Variants in MACROD2 observed in about 807,000 individuals in gnomAD.
The protein encoded by MACROD2 is ADP-ribose glycohydrolase MACROD2.
A neutral mutation model predicts 70.4 loss-of-function variants in MACROD2; 36 were observed. That is an observed-to-expected ratio of 0.51 (90% CI 0.39 to 0.68). The LOEUF (loss-of-function observed/expected upper bound fraction) is 0.68, where lower values mean the gene tolerates loss of function less well. Ranked by LOEUF, MACROD2 falls within the 30% of genes least tolerant of loss-of-function variation. The probability of loss-of-function intolerance (pLI) is 0.00; values close to 1 mark genes in which losing one functional copy is unlikely to be tolerated. For synonymous variants in MACROD2, 172 were observed against 178.8 expected (o/e 0.96, Z 0.30); for missense variants, 496 against 538.4 (o/e 0.92, Z 0.78).
chr20:15,245,446 C>G (rs183416618), intron 6 of MACROD2, among the ~76,000 whole-genome samples: 15 of 152,242 alleles, frequency 9.9e-5, no homozygotes, highest in Admixed American at 4.6e-4. Context: ...ACTGGCAATT[C>G]TATTGTTGTA....
chr20:15,458,089 T>A (rs1207541437), intron 7 of MACROD2, among the ~76,000 whole-genome samples: 3 of 152,208 alleles, frequency 2.0e-5, no homozygotes, highest in African/African-American at 7.2e-5. Context: ...ATTTTTCCAA[T>A]TATTTCCCCC....
chr20:14,793,328 G>A (rs149493395), intron 5 of MACROD2, among the ~76,000 whole-genome samples: 2 of 152,034 alleles, frequency 1.3e-5, no homozygotes, highest in Middle Eastern at 3.4e-3. Context: ...AATAAGACCC[G>A]GACTGTGTCC....
intron 8 of MACROD2, among the ~76,000 whole-genome samples, chr20:15,560,959 C>G (rs1264789035): frequency 6.6e-6 from 1 of 151,878 alleles, no homozygotes; most frequent in Non-Finnish European, 1.5e-5. Flanking sequence ...ATGTCTAGAT[C>G]TAAAAGGCCA....
chr20:14,808,737 A>C (rs1482254703), intron 5 of MACROD2, among the ~76,000 whole-genome samples: 2 of 151,582 alleles, frequency 1.3e-5, no homozygotes, highest in African/African-American at 4.9e-5. Context: ...GGGATGGAGC[A>C]AGATTTACCA....
chr20:15,543,889 T>C (rs1315365131), intron 8 of MACROD2, among the ~76,000 whole-genome samples: 2 of 152,234 alleles, frequency 1.3e-5, no homozygotes, highest in Non-Finnish European at 2.9e-5. Context: ...CTTCTCATGG[T>C]AGAGGTATAA....
intron 3 of MACROD2, among the ~76,000 whole-genome samples, chr20:14,210,986 G>A (rs892209348): frequency 6.6e-6 from 1 of 152,132 alleles, no homozygotes; most frequent in African/African-American, 2.4e-5. Context: ...TATGCATTGA[G>A]GTTTCAAGTC....
At chr20:15,607,570 G>A (rs925373499) in intron 8 of MACROD2, among the ~76,000 whole-genome samples, 8 of 152,228 alleles carry the variant, frequency 5.3e-5, no homozygotes, top group African/African-American at 1.9e-4. Context: ...GTCTCCTTCT[G>A]TCACCCAGGC....
At chr20:14,355,065 TTCTATTG>T in intron 3 of MACROD2, among the ~76,000 whole-genome samples, 1 of 152,374 alleles carries the variant, frequency 6.6e-6, no homozygotes, top group South Asian at 2.1e-4. Context: ...TTCCATGTCT[TTCTATTG>T]TGAACAGTGT....
intron 3 of MACROD2, among the ~76,000 whole-genome samples, chr20:14,131,922 G>T (rs1263439152): frequency 1.3e-5 from 2 of 151,974 alleles, no homozygotes; most frequent in Non-Finnish European, 2.9e-5. Flanking sequence ...ATGAGGTCAG[G>T]AGATCGAGAC....
At position 14,075,628 on chromosome 20, in the gene MACROD2, A is replaced by T. The variant is rs183469883; in HGVS notation, c.164-9993A>T. 3.9e-4 allele frequency among the ~76,000 whole-genome samples: 60 copies of T among 151,922 alleles called. 1 individual carries two copies. The East Asian group carries it at 6.4e-3, about 16-fold the overall frequency. On this transcript the variant is annotated intron_variant, in intron 2 of 17. Coordinates refer to ENST00000684519, the MANE Select transcript of MACROD2 (RefSeq NM_001351661.2). ...CTTGCCATCTTTGATTTCCCCTTTA[A>T]TTCTCTTGAATCTTTTGATGTTTCC...
intron 10 of MACROD2, among the ~76,000 whole-genome samples, chr20:15,917,837 A>C (rs1406814139): frequency 1.3e-5 from 2 of 151,874 alleles, no homozygotes; most frequent in African/African-American, 4.9e-5. Flanking sequence ...ATGAATTCAT[A>C]CTAAAAGAGG....
At chr20:15,865,379 T>G (rs900011453) in intron 9 of MACROD2, among the ~76,000 whole-genome samples, 4 of 147,326 alleles carry the variant, frequency 2.7e-5, no homozygotes, top group Admixed American at 6.8e-5. Flanking sequence ...AATTAATATA[T>G]TTAATAACAT....
intron 5 of MACROD2, among the ~76,000 whole-genome samples, chr20:15,083,399 C>T (rs1287118873): frequency 6.6e-6 from 1 of 152,150 alleles, no homozygotes; most frequent in Non-Finnish European, 1.5e-5. Flanking sequence ...GACTACTCGA[C>T]AATGCTATTA....
intron 8 of MACROD2, among the ~76,000 whole-genome samples, chr20:15,516,028 C>T (rs2047562334): frequency 6.6e-6 from 1 of 152,186 alleles, no homozygotes. Context: ...CTGATGGGCA[C>T]ACGGCTTACC....
intron 10 of MACROD2, among the ~76,000 whole-genome samples, chr20:15,894,906 C>T (rs572713535): frequency 3.0e-4 from 45 of 152,258 alleles, no homozygotes; most frequent in African/African-American, 1.1e-3. Flanking sequence ...CTGGGGCTTC[C>T]AAATCTCCTG....
chr20:15,391,528 C>T (rs1273175966), intron 6 of MACROD2, among the ~76,000 whole-genome samples: 1 of 152,190 alleles, frequency 6.6e-6, no homozygotes, highest in African/African-American at 2.4e-5. Flanking sequence ...CCGTAAGTCT[C>T]AAGGAGTCCA....
In MACROD2 at chr20:14,845,870, C is replaced by T. The variant is rs920069749; in HGVS notation, c.418+160911C>T. Among the ~76,000 whole-genome samples the T allele has an allele frequency of 2.0e-4, 30 of 152,126 alleles. 1 individual carries two copies. Among genetic ancestry groups the T allele is most frequent in the African/African-American group, 1.2e-4 (5 of 41,516 alleles). On this transcript the variant is annotated intron_variant, in intron 5 of 17. Coordinates refer to ENST00000684519, the MANE Select transcript of MACROD2 (RefSeq NM_001351661.2). ...CATTAAAAATGTTCCTTCCCCCAAA[C>T]GGCATTTTTTAGGAATAATAATAAC...
intron 3 of MACROD2, among the ~76,000 whole-genome samples, chr20:14,289,783 CTA>C (rs2082371223): frequency 6.6e-6 from 1 of 152,218 alleles, no homozygotes; most frequent in African/African-American, 2.4e-5. Context: ...CTCAAGTGAT[CTA>C]CCAGCCTTGC....
At chr20:15,777,739 G>A (rs1390902304) in intron 8 of MACROD2, among the ~76,000 whole-genome samples, 1 of 151,880 alleles carries the variant, frequency 6.6e-6, no homozygotes, top group African/African-American at 2.4e-5. Flanking sequence ...CTGCCTCCCA[G>A]GTTCAAGCAA....
Sources: allele counts gnomAD v4.1 joint callset (sites outside exome capture counted in the v4.1 genomes callset), GRCh38; gene constraint gnomAD v4.1.1; transcripts MANE v1.5; gene names NCBI Gene and HGNC (gene_info 2026-07-23, HGNC 2026-07-21).